The following MTUS2 variants were observed in gnomAD, a reference collection of about 807,000 sequenced individuals.
MTUS2 encodes microtubule-associated tumor suppressor candidate 2.
MTUS2 carries 40 observed loss-of-function variants against 114.1 expected under a neutral mutation model. The ratio of observed to expected loss-of-function variants is 0.35; its 90% CI spans 0.27 to 0.46. The LOEUF is 0.46. MTUS2 is among the 20% of genes least tolerant of loss of function. The probability of loss-of-function intolerance (pLI) is 1.00; values close to 1 mark genes in which losing one functional copy is unlikely to be tolerated. For missense variants in MTUS2, 1,679 were observed against 1,705.4 expected (o/e 0.98, Z 0.27); for synonymous variants, 688 against 672.0 (o/e 1.02, Z -0.37).
At chr13:28,927,209 A>T (rs1487659598) in intron 2 of MTUS2, among the ~76,000 whole-genome samples, 1 of 152,208 alleles carries the variant, frequency 6.6e-6, no homozygotes, top group Non-Finnish European at 1.5e-5. Context: ...ATGACACTTG[A>T]TTCAATAAAC....
At chr13:29,337,558 G>A (rs1243680402) in intron 7 of MTUS2, among the ~76,000 whole-genome samples, 1 of 151,858 alleles carries the variant, frequency 6.6e-6, no homozygotes, top group Admixed American at 6.6e-5. Flanking sequence ...CGTTGATCTC[G>A]CTGGGTGCTG....
intron 5 of MTUS2, among the ~76,000 whole-genome samples, chr13:29,117,068 C>T (rs1891119236): frequency 6.6e-6 from 1 of 152,162 alleles, no homozygotes; most frequent in South Asian, 2.1e-4. Flanking sequence ...AGGCCCTTCT[C>T]CTTCTTTGGG....
At chr13:29,079,523 C>T (rs1035875445) in intron 4 of MTUS2, among the ~76,000 whole-genome samples, 1 of 152,132 alleles carries the variant, frequency 6.6e-6, no homozygotes, top group East Asian at 1.9e-4. Context: ...CCTATTTTTC[C>T]CCAAGAGTTT....
intron 4 of MTUS2, among the ~76,000 whole-genome samples, chr13:29,083,921 T>A (rs1311256594): frequency 1.3e-5 from 2 of 152,158 alleles, no homozygotes; most frequent in Non-Finnish European, 2.9e-5. Context: ...TACTGGAAAA[T>A]TTAGACAATA....
At chr13:28,833,777 T>G (rs149372352) in intron 1 of MTUS2, among the ~76,000 whole-genome samples, 121 of 152,218 alleles carry the variant, frequency 7.9e-4, no homozygotes, top group African/African-American at 2.8e-3. Context: ...GATGACATGA[T>G]CTTGTATGTA....
intron 5 of MTUS2, among the ~76,000 whole-genome samples, chr13:29,150,550 C>A (rs1409177690): frequency 6.6e-6 from 1 of 152,040 alleles, no homozygotes; most frequent in Non-Finnish European, 1.5e-5. Context: ...TAATTAGGTC[C>A]CACTTGTCAA....
intron 2 of MTUS2, among the ~76,000 whole-genome samples, chr13:28,851,834 C>CG (rs1876294724): frequency 6.6e-6 from 1 of 152,100 alleles, no homozygotes; most frequent in Admixed American, 6.5e-5. Context: ...CCCAGCTTGG[C>CG]CTGGGGCACC....
At chr13:29,072,937 A>G (rs1889009947) in intron 4 of MTUS2, among the ~76,000 whole-genome samples, 1 of 152,228 alleles carries the variant, frequency 6.6e-6, no homozygotes, top group Non-Finnish European at 1.5e-5. Flanking sequence ...CAGCATTTAT[A>G]TATGACTTGT....
chr13:29,252,061 G>A (rs1000668186), intron 5 of MTUS2, among the ~76,000 whole-genome samples: 6 of 152,142 alleles, frequency 3.9e-5, no homozygotes, highest in African/African-American at 1.4e-4. Flanking sequence ...GAATCTTTCT[G>A]AACTTTGCAC....
chr13:28,971,780 A>G (rs1048729571), intron 2 of MTUS2, among the ~76,000 whole-genome samples: 4 of 152,212 alleles, frequency 2.6e-5, no homozygotes, highest in African/African-American at 9.6e-5. Flanking sequence ...CTGAGTTTCA[A>G]AATGGTGACA....
chr13:29,373,643 A>G (rs1871360346), intron 8 of MTUS2, among the ~76,000 whole-genome samples: 1 of 152,188 alleles, frequency 6.6e-6, no homozygotes, highest in Non-Finnish European at 1.5e-5. Flanking sequence ...TATGGATCCT[A>G]ATAGTACTTC....
rs1273699208 is a variant in MTUS2 at position 29,033,899 on chromosome 13, T to C, written c.2220T>C (p.Pro740=). 4 of 1,613,944 alleles carry C rather than the reference T, an allele frequency of 2.5e-6. No homozygotes were observed. The highest frequency in any genetic ancestry group is 8.5e-7 in the Non-Finnish European group (1 of 1,179,860). ...EKFLQEVTDH[P]GKEEFCSPPY... ...ATTTATCATAGGTTACAGACCACCC[T>C]GGAAAAGAAGAGTTTTGTTCTCCTC... The change falls in exon 4 of 16, where the codon CCT becomes CCC. Residue 740 remains proline, a synonymous_variant. Transcript: ENST00000612955.
At chr13:29,295,847 A>C (rs1445570581) in intron 6 of MTUS2, among the ~76,000 whole-genome samples, 2 of 152,174 alleles carry the variant, frequency 1.3e-5, no homozygotes, top group East Asian at 3.9e-4. Context: ...ACTGCATTTT[A>C]TAAAACCATC....
intron 9 of MTUS2, among the ~76,000 whole-genome samples, chr13:29,457,082 T>G (rs983529701): frequency 6.6e-6 from 1 of 151,534 alleles, no homozygotes; most frequent in African/African-American, 2.4e-5. Context: ...GGGGCGGAGC[T>G]TGCAGTGAGC....
At chr13:29,270,806 G>A (rs192292749) in intron 5 of MTUS2, among the ~76,000 whole-genome samples, 18 of 152,242 alleles carry the variant, frequency 1.2e-4, no homozygotes, top group East Asian at 5.8e-4. Flanking sequence ...AAGCTGGCAC[G>A]GCCCTCTGAC....
intron 7 of MTUS2, among the ~76,000 whole-genome samples, chr13:29,348,729 GAAGCTCTGT>G (rs1371633321): frequency 6.6e-6 from 1 of 152,150 alleles, no homozygotes; most frequent in East Asian, 1.9e-4. Flanking sequence ...CATGTATTCT[GAAGCTCTGT>G]AAGGTATATA....
At chr13:29,091,755 A>G (rs775359800) in intron 4 of MTUS2, among the ~76,000 whole-genome samples, 1 of 152,192 alleles carries the variant, frequency 6.6e-6, no homozygotes, top group Non-Finnish European at 1.5e-5. Context: ...CAATCTCATA[A>G]TCTTATTCCA....
intron 10 of MTUS2, among the ~76,000 whole-genome samples, chr13:29,487,115 G>A (rs1392812161): frequency 6.6e-6 from 1 of 152,168 alleles, no homozygotes; most frequent in Non-Finnish European, 1.5e-5. Flanking sequence ...CCCTTCCCAG[G>A]AGCACCACAT....
At chr13:28,988,645 T>C (rs1254300229) in intron 2 of MTUS2, among the ~76,000 whole-genome samples, 12 of 152,116 alleles carry the variant, frequency 7.9e-5, no homozygotes, top group African/African-American at 2.4e-5. Context: ...GTTCACTGAG[T>C]ATAGACAGTT....
Sources: allele counts gnomAD v4.1 joint callset (sites outside exome capture counted in the v4.1 genomes callset), GRCh38; gene constraint gnomAD v4.1.1; transcripts MANE v1.5; gene names NCBI Gene and HGNC (gene_info 2026-07-23, HGNC 2026-07-21).